Variants in GPI observed in about 807,000 individuals in gnomAD.
GPI encodes glucose-6-phosphate isomerase, also known as D-hexose-6-phosphate anomerase.
A neutral mutation model predicts 75.8 loss-of-function variants in GPI; 56 were observed. The ratio of observed to expected loss-of-function variants is 0.74; its 90% CI spans 0.60 to 0.92. The LOEUF (loss-of-function observed/expected upper bound fraction) is 0.92. Ranked by LOEUF, GPI falls within the 40% of genes least tolerant of loss-of-function variation. GPI has a pLI of 0.00. For missense variants in GPI, 638 were observed against 741.0 expected (o/e 0.86, Z 1.61); for synonymous variants, 288 against 285.4 (o/e 1.01, Z -0.09).
chr19:34,368,557 C>T, intron 3 of GPI, 26 bp from the exon 4 acceptor site: 8 of 1,613,992 alleles, frequency 5.0e-6, no homozygotes, highest in Non-Finnish European at 5.9e-6. Context: ...GGGGGGCAGT[C>T]TTTATATCCT....
chr19:34,373,129 G>C (rs1029969367), intron 4 of GPI, among the ~76,000 whole-genome samples: 1 of 151,184 alleles, frequency 6.6e-6, no homozygotes, highest in Non-Finnish European at 1.5e-5. Flanking sequence ...GCTCACACCT[G>C]TAGTCCTAGC....
At chr19:34,383,318 G>A (rs2074683789) in intron 9 of GPI, among the ~76,000 whole-genome samples, 1 of 152,236 alleles carries the variant, frequency 6.6e-6, no homozygotes, top group Non-Finnish European at 1.5e-5. Flanking sequence ...GAATTCCAGA[G>A]GAGAGGCAGG....
intron 4 of GPI, 72 bp downstream of exon 4, chr19:34,368,774 G>A: frequency 3.2e-6 from 5 of 1,562,922 alleles, no homozygotes; most frequent in Non-Finnish European, 4.4e-6. Flanking sequence ...GAGCCCTAAG[G>A]GGCAGCTCTT....
intron 4 of GPI, 92 bp downstream of exon 4, chr19:34,368,794 T>C (rs918166065): frequency 2.0e-5 from 29 of 1,445,728 alleles, no homozygotes; most frequent in Non-Finnish European, 1.9e-5. Context: ...TCCCTCTTCT[T>C]GTAGGCAGGA....
Position 34,400,471 on chromosome 19 carries a change from G to C in GPI, c.*435G>C, listed in dbSNP as rs994175312. ...GAGCGGGTCTAGAGTGGAGCAAGGT[G>C]CCCTGAGAAGACAATAGTGGGGTGG... On this transcript the variant is annotated 3_prime_UTR_variant, in exon 18 of 18. Coordinates refer to ENST00000356487, the MANE Select transcript of GPI (RefSeq NM_000175.5). 7.4e-6 allele frequency: 4 copies of C among 539,530 alleles called. No homozygotes were observed. Among genetic ancestry groups the C allele is most frequent in the South Asian group, 3.0e-5 (1 of 33,584 alleles). 33.4% of individuals were successfully genotyped at this position (539,530 alleles called of 1,614,324 possible).
At chr19:34,364,130 C>T (rs1040217315), upstream of GPI, among the ~76,000 whole-genome samples, 1 of 151,856 alleles carries the variant, frequency 6.6e-6, no homozygotes, top group Non-Finnish European at 1.5e-5. Context: ...CTCAAGTGAT[C>T]CTCCTGCCTT....
rs116474663 is a variant in GPI, at chr19:34,400,408, G to A, written c.*372G>A. 2.0e-4 allele frequency: 118 copies of A among 592,510 alleles called. No homozygotes were observed. The highest frequency in any genetic ancestry group is 2.0e-3 in the African/African-American group (107 of 53,838). 36.7% of individuals were successfully genotyped at this position (592,510 alleles called of 1,614,324 possible). ...AGAGGGCAGGAGCGCTCAGCAGGAC[G>A]CAGGCTGTGCCTCTGCGGACACTTA... is the stretch of plus-strand genomic sequence containing the variant. On this transcript the variant is annotated 3_prime_UTR_variant, in exon 18 of 18. Coordinates refer to ENST00000356487, the MANE Select transcript of GPI (RefSeq NM_000175.5).
At position 34,393,105 on chromosome 19, in the gene GPI, G is replaced by T; in HGVS notation, c.805-143G>T. On this transcript the variant is annotated intron_variant, in intron 9 of 17. Transcript: ENST00000356487. The surrounding 1 kb of genome is among the most constrained non-coding windows in gnomAD (Gnocchi z 4.4). ...GTCTTCCCATGTGTTGCCAGCACCT[G>T]CCTGCTGCCTTGCTTCCTGGAGGTG... 1.4e-6 allele frequency: 1 copy of T among 719,742 alleles called. No homozygotes were observed. The allele number at this position is 719,742 out of a possible 1,614,324, so 44.6% of individuals were successfully genotyped here. A position where few individuals can be genotyped will look rare whatever the true frequency, so the allele number is the denominator to read the frequency against.
chr19:34,396,491 A>C, intron 13 of GPI, 61 bp downstream of exon 13: 7 of 1,612,922 alleles, frequency 4.3e-6, no homozygotes, highest in Non-Finnish European at 5.9e-6. Context: ...TCCAGAAGAG[A>C]TATCTCACTT....
rs548536706 is a variant in GPI at position 34,400,602 on chromosome 19, G to A, written c.*566G>A. 11 of 419,140 alleles carry A rather than the reference G, an allele frequency of 2.6e-5. No homozygotes were observed. Among genetic ancestry groups the A allele is most frequent in the Middle Eastern group, 1.2e-3 (2 of 1,636 alleles). 26.0% of individuals were successfully genotyped at this position (419,140 alleles called of 1,614,324 possible). A position where few individuals can be genotyped will look rare whatever the true frequency, so the allele number is the denominator to read the frequency against. On this transcript the variant is annotated 3_prime_UTR_variant, in exon 18 of 18. Coordinates refer to ENST00000356487, the MANE Select transcript of GPI (RefSeq NM_000175.5). ...CAGAAATTGGATACTCTGTTCACTC[G>A]ATGGTTCTAAAAACTGCATTGAGAT...
At chr19:34,395,239 G>A (rs904761670) in intron 12 of GPI, among the ~76,000 whole-genome samples, 2 of 151,986 alleles carry the variant, frequency 1.3e-5, no homozygotes, top group African/African-American at 4.8e-5. Flanking sequence ...CTCAAAGGCT[G>A]TACTCTTAGC....
intron 7 of GPI, 117 bp from the exon 8 acceptor site, chr19:34,379,401 A>G (rs2074605952): frequency 1.5e-5 from 14 of 947,936 alleles, no homozygotes; most frequent in Non-Finnish European, 2.3e-5. Flanking sequence ...CAACAGTCTC[A>G]GAACCAAGGA....
At chr19:34,367,097 A>C (rs1479609485) in intron 3 of GPI, 1 of 650,482 alleles carries the variant, frequency 1.5e-6, no homozygotes, top group Non-Finnish European at 2.8e-6. Context: ...TCTCATACCC[A>C]CAGGGAGAGT....
At chr19:34,369,774 C>T (rs1479701795) in intron 4 of GPI, among the ~76,000 whole-genome samples, 1 of 151,748 alleles carries the variant, frequency 6.6e-6, no homozygotes, top group East Asian at 1.9e-4. Flanking sequence ...GTAAAGTTTC[C>T]TGTAGCCAGG....
At position 34,402,103 on chromosome 19, in the gene GPI, C is replaced by G. The variant is rs1217453447; in HGVS notation, c.*2067C>G. On this transcript the variant is annotated 3_prime_UTR_variant, in exon 18 of 18. Transcript: ENST00000356487. The stretch of plus-strand genomic sequence containing the variant: ...GGATTACAGGCGTGAGTCACCGCGC[C>G]CGGCTCATTTTAAAATTTTTGTAGA... 2.0e-5 allele frequency: 3 copies of G among 151,726 alleles called. No homozygotes were observed. The highest frequency in any genetic ancestry group is 4.4e-5 in the Non-Finnish European group (3 of 67,976). 9.4% of individuals were successfully genotyped at this position (151,726 alleles called of 1,614,324 possible).
intron 7 of GPI, 128 bp downstream of exon 7, chr19:34,379,133 T>C: frequency 1.2e-6 from 1 of 815,754 alleles, no homozygotes; most frequent in South Asian, 1.4e-5. Flanking sequence ...TGCCGGTGCC[T>C]GCCTTTGCTA....
upstream of GPI, among the ~76,000 whole-genome samples, chr19:34,363,817 TCAAA>T (rs759339126): frequency 3.4e-4 from 52 of 152,194 alleles, no homozygotes; most frequent in Middle Eastern, 3.4e-3. Context: ...AGACTCCATC[TCAAA>T]CAAACAAACA....
chr19:34,365,188 C>A (rs2074337447), upstream of GPI: 1 of 1,325,814 alleles, frequency 7.5e-7, no homozygotes, highest in Non-Finnish European at 9.6e-7. Flanking sequence ...CGCGCGCCCA[C>A]GCGCCTCGCT....
upstream of GPI, among the ~76,000 whole-genome samples, chr19:34,364,587 A>G (rs1262675538): frequency 6.6e-6 from 1 of 151,742 alleles, no homozygotes; most frequent in Non-Finnish European, 1.5e-5. Context: ...CAGGTTGGCC[A>G]GTCTGGTCTG....
Sources: gnomAD v4.1 joint callset for allele counts (sites outside exome capture counted in the v4.1 genomes callset) on GRCh38, gnomAD v4.1.1 for gene constraint, Gnocchi (gnomAD v3.1) non-coding constraint, MANE v1.5 for transcripts, NCBI Gene and HGNC (gene_info 2026-07-23, HGNC 2026-07-21) for gene names.